Variants in NWD2 observed in about 807,000 individuals in gnomAD.
The protein encoded by NWD2 is NACHT and WD repeat domain-containing protein 2.
In NWD2, 37 loss-of-function variants were observed where a neutral mutation model predicts 132.7. That is an observed-to-expected ratio of 0.28 (90% CI 0.21 to 0.37). NWD2 has a LOEUF of 0.37. NWD2 is among the 10% of genes least tolerant of loss of function. The pLI is 1.00. For missense variants in NWD2, 1,592 were observed against 2,122.4 expected, an observed-to-expected ratio of 0.75 and a Z score of 4.91; for synonymous variants, 705 against 803.0, an observed-to-expected ratio of 0.88 and a Z score of 2.06.
At chr4:37,412,718 T>A (rs1254443132) in intron 3 of NWD2, among the ~76,000 whole-genome samples, 1 of 152,180 alleles carries the variant, frequency 6.6e-6, no homozygotes, top group African/African-American at 2.4e-5. Flanking sequence ...TCATGCTACC[T>A]GACTTCAAAA....
chr4:37,397,499 G>A (rs1387736398), intron 3 of NWD2, among the ~76,000 whole-genome samples: 2 of 152,232 alleles, frequency 1.3e-5, no homozygotes, highest in East Asian at 3.9e-4. Flanking sequence ...AAGGAATTCT[G>A]CCTGCATATT....
chr4:37,368,077 A>G (rs1220698451), intron 3 of NWD2, among the ~76,000 whole-genome samples: 1 of 152,122 alleles, frequency 6.6e-6, no homozygotes, highest in Non-Finnish European at 1.5e-5. Flanking sequence ...TGACTCAGAT[A>G]ACATAATCGC....
intron 1 of NWD2, among the ~76,000 whole-genome samples, chr4:37,249,428 C>T (rs1717308437): frequency 6.6e-6 from 1 of 152,208 alleles, no homozygotes; most frequent in Non-Finnish European, 1.5e-5. Context: ...AGGCTTTACT[C>T]CCAGTCATTG....
chr4:37,356,509 T>C (rs1263804735), intron 3 of NWD2, 27 bp downstream of exon 3: 3 of 1,323,040 alleles, frequency 2.3e-6, no homozygotes, highest in Non-Finnish European at 1.1e-6. Context: ...TAATGCTTTA[T>C]ATTAACTTTT....
At chr4:37,326,142 T>G (rs1414751684) in intron 2 of NWD2, 118 bp downstream of exon 2, 2 of 605,746 alleles carry the variant, frequency 3.3e-6, no homozygotes, top group African/African-American at 3.8e-5. Context: ...AATTTATTTC[T>G]TCAAGCATGG....
chr4:37,442,163 A>G (rs1383618870), intron 6 of NWD2, among the ~76,000 whole-genome samples: 3 of 152,214 alleles, frequency 2.0e-5, no homozygotes, highest in African/African-American at 7.2e-5. Flanking sequence ...TTCATGCCTT[A>G]ACCTGAACTA....
intron 1 of NWD2, among the ~76,000 whole-genome samples, chr4:37,272,686 A>T (rs147503369): frequency 9.8e-4 from 149 of 151,796 alleles, no homozygotes; most frequent in African/African-American, 3.4e-3. Context: ...AAATGATATA[A>T]ATATTATTTA....
chr4:37,353,164 A>C (rs1448048478), intron 2 of NWD2, among the ~76,000 whole-genome samples: 2 of 152,204 alleles, frequency 1.3e-5, no homozygotes, highest in East Asian at 3.9e-4. Flanking sequence ...TTCTTTAAGA[A>C]TGTTGAATAT....
intron 3 of NWD2, among the ~76,000 whole-genome samples, chr4:37,414,534 C>T (rs1411580270): frequency 6.6e-6 from 1 of 151,532 alleles, no homozygotes; most frequent in African/African-American, 2.4e-5. Flanking sequence ...GTCGCTGTAA[C>T]AAGACTCTGC....
intron 1 of NWD2, among the ~76,000 whole-genome samples, chr4:37,260,766 A>AT (rs1161812258): frequency 6.6e-6 from 1 of 152,272 alleles, no homozygotes; most frequent in Non-Finnish European, 1.5e-5. Context: ...TATTAGATTG[A>AT]TTTTTTTAAA....
intron 2 of NWD2, among the ~76,000 whole-genome samples, chr4:37,327,166 T>C (rs1286148407): frequency 6.6e-6 from 1 of 152,168 alleles, no homozygotes; most frequent in South Asian, 2.1e-4. Context: ...TAGACACTCC[T>C]TGGGGACTCA....
At chr4:37,390,031 C>T (rs1478181779) in intron 3 of NWD2, among the ~76,000 whole-genome samples, 1 of 152,182 alleles carries the variant, frequency 6.6e-6, no homozygotes, top group Non-Finnish European at 1.5e-5. Context: ...CTCAGGTGAT[C>T]CGCCCGCCTC....
intron 1 of NWD2, among the ~76,000 whole-genome samples, chr4:37,259,844 C>A (rs1333971268): frequency 6.6e-6 from 1 of 152,180 alleles, no homozygotes; most frequent in African/African-American, 2.4e-5. Context: ...ATGTCTTCCT[C>A]CCCTCCAGGG....
chr4:37,335,362 T>C (rs887843990), intron 2 of NWD2, among the ~76,000 whole-genome samples: 3 of 151,290 alleles, frequency 2.0e-5, no homozygotes, highest in African/African-American at 7.3e-5. Flanking sequence ...CCTAATTCAT[T>C]AAAATGTAGT....
chr4:37,373,587 T>C (rs1720277862), intron 3 of NWD2, among the ~76,000 whole-genome samples: 2 of 152,252 alleles, frequency 1.3e-5, no homozygotes, highest in Admixed American at 1.3e-4. Context: ...TAAATATTCA[T>C]ATGCCTCATC....
chr4:37,400,308 T>C (rs17421778), intron 3 of NWD2, among the ~76,000 whole-genome samples: 3,164 of 152,322 alleles, frequency 0.021, 53 homozygotes, highest in Non-Finnish European at 0.027. Context: ...AGAAATTACC[T>C]TTGTGAGTTG....
intron 1 of NWD2, among the ~76,000 whole-genome samples, chr4:37,321,659 G>A (rs979285969): frequency 2.6e-5 from 4 of 152,128 alleles, no homozygotes; most frequent in Non-Finnish European, 5.9e-5. Context: ...TTTTTAAATT[G>A]TGAACCATCC....
At chr4:37,396,895 T>C (rs1251720290) in intron 3 of NWD2, among the ~76,000 whole-genome samples, 2 of 151,974 alleles carry the variant, frequency 1.3e-5, no homozygotes, top group African/African-American at 4.8e-5. Context: ...TAGCCGGGTG[T>C]GGTGGTGGAT....
chr4:37,275,116 A>T (rs1406653100), intron 1 of NWD2, among the ~76,000 whole-genome samples: 1 of 152,142 alleles, frequency 6.6e-6, no homozygotes, highest in Non-Finnish European at 1.5e-5. Context: ...AGGGTATTCA[A>T]TTAGGAAAAG....
Sources: gnomAD v4.1 joint callset for allele counts (sites outside exome capture counted in the v4.1 genomes callset) on GRCh38, gnomAD v4.1.1 for gene constraint, MANE v1.5 for transcripts, NCBI Gene and HGNC (gene_info 2026-07-23, HGNC 2026-07-21) for gene names.